ZNF71: variants seen among roughly 807,000 people sequenced by gnomAD.
The protein encoded by ZNF71 is endothelial zinc finger protein induced by tumor necrosis factor alpha.
A neutral mutation model predicts 6.7 loss-of-function variants in ZNF71; 3 were observed. The ratio of observed to expected loss-of-function variants is 0.45; its 90% CI spans 0.20 to 1.16. The LOEUF (loss-of-function observed/expected upper bound fraction) is 1.16, where lower values mean the gene tolerates loss of function less well. Among genes scored for constraint, ZNF71 ranks in the 50% most tolerant of loss-of-function variants. ZNF71 has a pLI of 0.25. For missense variants in ZNF71, 688 were observed against 728.6 expected (o/e 0.94, Z 0.64); for synonymous variants, 343 against 311.1 (o/e 1.10, Z -1.08).
Position 56,621,616 on chromosome 19 carries a change from A to G in ZNF71, c.509A>G (p.Asn170Ser), listed in dbSNP as rs1232463758. ...TGTCCACCCGTAAGGCGTGGCAAGA[A>G]CTTCTCCAGCACTTCAGACCTCAGT... ...GACPPVRRGK[N>S]FSSTSDLSKP... The change falls in exon 4 of 4, where the codon AAC becomes AGC. Residue 170 changes from asparagine (N) to serine (S), a missense_variant. Asn to Ser is a conservative substitution (Grantham distance 46, BLOSUM62 1). Coordinates refer to ENST00000599599, the MANE Select transcript of ZNF71 (RefSeq NM_001370215.1). 1.9e-6 allele frequency: 3 copies of G among 1,614,030 alleles called. No homozygotes were observed. Among genetic ancestry groups the G allele is most frequent in the Non-Finnish European group, 1.7e-6 (2 of 1,180,008 alleles).
chr19:56,616,647 A>G (rs1320180306), intron 3 of ZNF71, among the ~76,000 whole-genome samples: 2 of 152,144 alleles, frequency 1.3e-5, no homozygotes, highest in East Asian at 1.9e-4. Flanking sequence ...GTTTTGACCA[A>G]TAGTCTGCTA....
At chr19:56,611,816 C>T (rs575911075) in intron 2 of ZNF71, among the ~76,000 whole-genome samples, 1 of 152,282 alleles carries the variant, frequency 6.6e-6, no homozygotes, top group African/African-American at 2.4e-5. Context: ...ATCAAAGTAT[C>T]CACAGGACCA....
At chr19:56,599,066 C>A (rs1306165538) in intron 1 of ZNF71, among the ~76,000 whole-genome samples, 1 of 152,176 alleles carries the variant, frequency 6.6e-6, no homozygotes, top group South Asian at 2.1e-4. Flanking sequence ...AGAATTGGTG[C>A]ACCAGCTACA....
At position 56,622,582 on chromosome 19, in the gene ZNF71, A is replaced by G. The variant is rs1330580932; in HGVS notation, c.1475A>G (p.His492Arg). 1 of 1,613,648 alleles carries G rather than the reference A, an allele frequency of 6.2e-7. No homozygotes were observed. The highest frequency in any genetic ancestry group is 1.3e-5 in the African/African-American group (1 of 74,942). ...SAYLIEHQRIHTGEKPYRCGQ... is the reference protein window; with the variant it reads ...SAYLIEHQRIRTGEKPYRCGQ... ...TACCTCATCGAGCACCAGCGGATCC[A>G]CACCGGCGAGAAGCCGTACAGGTGC... Residue 492 changes from histidine (H) to arginine (R), a missense_variant, in exon 4 of 4, where the codon CAC becomes CGC. Coordinates refer to ENST00000599599, the MANE Select transcript of ZNF71 (RefSeq NM_001370215.1).
chr19:56,608,726 A>T (rs2044728271), intron 2 of ZNF71, among the ~76,000 whole-genome samples: 1 of 152,150 alleles, frequency 6.6e-6, no homozygotes, highest in Non-Finnish European at 1.5e-5. Flanking sequence ...CAACACACAC[A>T]CACACACATA....
chr19:56,621,999 G>A lies in ZNF71; in HGVS notation c.892G>A (p.Gly298Arg). ...SLTQHERIHT[G>R]EKPYACGDCG... ...CACCCAGCACGAGCGGATCCACACG[G>A]GGGAGAAGCCCTACGCGTGCGGGGA... is the stretch of plus-strand genomic sequence containing the variant. The change falls in exon 4 of 4, where the codon GGG (glycine) becomes AGG (arginine). Residue 298 changes from glycine (G) to arginine (R), a missense_variant. Transcript: ENST00000599599. 6.2e-7 allele frequency: 1 copy of A among 1,607,042 alleles called. No individual in the cohort carries two copies. Among genetic ancestry groups the A allele is most frequent in the Middle Eastern group, 1.7e-4 (1 of 6,008 alleles).
chr19:56,613,782 C>T lies in ZNF71; in HGVS notation c.34-30C>T, dbSNP rs368928467. 3 of 1,081,874 alleles carry T rather than the reference C, an allele frequency of 2.8e-6. No individual in the cohort carries two copies. Among genetic ancestry groups the T allele is most frequent in the Admixed American group, 3.8e-5 (1 of 26,090 alleles). The allele number at this position is 1,081,874 out of a possible 1,614,324, so 67.0% of individuals were successfully genotyped here. On this transcript the variant is annotated intron_variant, in intron 2 of 3. Transcript: ENST00000599599. This position sits in a 1 kb window ranked among gnomAD's most constrained non-coding sequence, Gnocchi z 4.6. ...CCACGCCTCTGTAAGGAGGGCCCTG[C>T]GATGAGCGGATGTGGGTTTCCTCTT...
chr19:56,614,566 A>T (rs147225649), intron 3 of ZNF71, among the ~76,000 whole-genome samples: 2 of 152,218 alleles, frequency 1.3e-5, no homozygotes, highest in Non-Finnish European at 2.9e-5. Context: ...GACTGAACGT[A>T]TCAAGGCCTA....
chr19:56,614,053 G>T, intron 3 of ZNF71, 115 bp downstream of exon 3: 7 of 911,004 alleles, frequency 7.7e-6, no homozygotes, highest in Non-Finnish European at 9.3e-6. Flanking sequence ...TTTAAAATTT[G>T]CTCTACTTGA....
In ZNF71 at chr19:56,595,321, G is replaced by C. The variant is rs1660699903; in HGVS notation, c.-160G>C. The C allele has an allele frequency of 6.6e-6, 1 of 152,512 alleles. No individual in the cohort carries two copies. The highest frequency in any genetic ancestry group is 2.4e-5 in the African/African-American group (1 of 41,476). The allele number at this position is 152,512 out of a possible 1,614,324, so 9.4% of individuals were successfully genotyped here. A position where few individuals can be genotyped will look rare whatever the true frequency, so the allele number is the denominator to read the frequency against. Reference sequence around the variant, plus strand: ...GCGGTCATTGTCCTGGCAGAGCGGCGAGCCGGTGAGTGTGGCTGCGGGGTC... The same window carrying C: ...GCGGTCATTGTCCTGGCAGAGCGGCCAGCCGGTGAGTGTGGCTGCGGGGTC... On this transcript the variant is annotated 5_prime_UTR_variant, in exon 1 of 4. Coordinates refer to ENST00000599599, the MANE Select transcript of ZNF71 (RefSeq NM_001370215.1).
intron 2 of ZNF71, chr19:56,610,093 A>T (rs1600590366): frequency 6.6e-6 from 1 of 152,368 alleles, no homozygotes; most frequent in East Asian, 1.9e-4. Flanking sequence ...TGCTATGAGC[A>T]TCAGTGTATA....
chr19:56,622,116 C>T lies in ZNF71; in HGVS notation c.1009C>T (p.Arg337Ter), dbSNP rs2044859625. ...GCCGTACGTGTGCCCCGAGTGCGGGCGAGCCTTCAGCCAGAACATGCACCT... is the reference window on the plus strand; with the variant it reads ...GCCGTACGTGTGCCCCGAGTGCGGGTGAGCCTTCAGCCAGAACATGCACCT... ...EKPYVCPECG[R>*]AFSQNMHLTE... Residue 337 changes from arginine to a stop codon, truncating the protein, a stop_gained, in exon 4 of 4, where the codon CGA becomes TGA. Coordinates refer to ENST00000599599, the MANE Select transcript of ZNF71 (RefSeq NM_001370215.1). LOFTEE classifies it low-confidence loss of function (END_TRUNC). 1.9e-6 allele frequency: 3 copies of T among 1,582,976 alleles called. No homozygotes were observed. Among genetic ancestry groups the T allele is most frequent in the Non-Finnish European group, 1.7e-6 (2 of 1,167,562 alleles).
chr19:56,599,588 A>G (rs1324278912), intron 1 of ZNF71, among the ~76,000 whole-genome samples: 1 of 152,080 alleles, frequency 6.6e-6, no homozygotes, highest in African/African-American at 2.4e-5. Context: ...AGATATTTTG[A>G]TACGGGCATA....
chr19:56,600,136 G>GCAC (rs2044658188), intron 1 of ZNF71, among the ~76,000 whole-genome samples: 2 of 113,622 alleles, frequency 1.8e-5, no homozygotes, highest in Non-Finnish European at 3.4e-5. Context: ...TCGCTCTGTT[G>GCAC]CCAGGCTGGA....
chr19:56,607,948 G>A (rs879437114), intron 2 of ZNF71, among the ~76,000 whole-genome samples: 4 of 152,140 alleles, frequency 2.6e-5, no homozygotes, highest in Non-Finnish European at 5.9e-5. Flanking sequence ...ACTGACATTG[G>A]TGGGAGGCTT....
rs2044611389 is a variant in ZNF71, at chr19:56,595,409, G to A, written c.-72G>A. On this transcript the variant is annotated 5_prime_UTR_variant, in exon 1 of 4. Coordinates refer to ENST00000599599, the MANE Select transcript of ZNF71 (RefSeq NM_001370215.1). Reference sequence around the variant, plus strand: ...GCCCCGGGGAGGGCGCGGCCTCGGGGAGACGGCGTGCAGGCCCAGGTACGG... The same window carrying A: ...GCCCCGGGGAGGGCGCGGCCTCGGGAAGACGGCGTGCAGGCCCAGGTACGG... 6.5e-6 allele frequency: 1 copy of A among 153,376 alleles called. No homozygotes were observed. The highest frequency in any genetic ancestry group is 2.4e-5 in the African/African-American group (1 of 41,478). The allele number at this position is 153,376 out of a possible 1,614,324, so 9.5% of individuals were successfully genotyped here.
At position 56,613,240 on chromosome 19, in the gene ZNF71, CT is replaced by C. The variant is rs2044765704; in HGVS notation, c.34-571del. On this transcript the variant is annotated intron_variant, in intron 2 of 3. Transcript: ENST00000599599. This position sits in a 1 kb window ranked among gnomAD's most constrained non-coding sequence, Gnocchi z 4.6. The stretch of plus-strand genomic sequence containing the variant: ...CCCACTAAAGACCCAACCACCAGTT[CT>C]CTTCACAGACTACTCAAAGTCTTCC... Among the ~76,000 whole-genome samples, 1 of 152,216 alleles carries C rather than the reference CT, an allele frequency of 6.6e-6. No homozygotes were observed. Among genetic ancestry groups the C allele is most frequent in the African/African-American group, 2.4e-5 (1 of 41,448 alleles).
chr19:56,595,344 G>A lies in ZNF71; in HGVS notation c.-137G>A, dbSNP rs2044610096. On this transcript the variant is annotated 5_prime_UTR_variant, in exon 1 of 4. Transcript: ENST00000599599. ...GCGAGCCGGTGAGTGTGGCTGCGGG[G>A]TCGCGCCCACCCTCTACCTGTGCCG... 6.6e-6 allele frequency: 1 copy of A among 152,578 alleles called. No homozygotes were observed. Among genetic ancestry groups the A allele is most frequent in the Non-Finnish European group, 1.5e-5 (1 of 68,322 alleles). The allele number at this position is 152,578 out of a possible 1,614,324, so 9.5% of individuals were successfully genotyped here. A position where few individuals can be genotyped will look rare whatever the true frequency, so the allele number is the denominator to read the frequency against.
chr19:56,615,004 C>G (rs1399957619), intron 3 of ZNF71, among the ~76,000 whole-genome samples: 1 of 150,378 alleles, frequency 6.6e-6, no homozygotes, highest in Admixed American at 6.6e-5. Context: ...TTTTTTTGGT[C>G]TGGCTTTTTT....
Sources: allele counts gnomAD v4.1 joint callset (sites outside exome capture counted in the v4.1 genomes callset), GRCh38; gene constraint gnomAD v4.1.1; non-coding constraint Gnocchi (gnomAD v3.1); transcripts MANE v1.5; gene names NCBI Gene and HGNC (gene_info 2026-07-23, HGNC 2026-07-21).